The following CTCFL variants were observed in gnomAD, a reference collection of about 807,000 sequenced individuals.
CTCFL encodes CCCTC-binding factor like, also known as transcriptional repressor CTCFL.
A neutral mutation model predicts 67.4 loss-of-function variants in CTCFL; 36 were observed. The observed-to-expected ratio is 0.53, with a 90% CI of 0.41 to 0.71. CTCFL has a LOEUF of 0.71. Ranked by LOEUF, CTCFL falls within the 30% of genes least tolerant of loss-of-function variation. CTCFL has a pLI of 0.00. For synonymous variants in CTCFL, 324 were observed against 302.3 expected (o/e 1.07, Z -0.75); for missense variants, 786 against 835.2 (o/e 0.94, Z 0.73).
At chr20:57,524,876 C>A in intron 1 of CTCFL, 152 bp downstream of exon 1, 1 of 502,044 alleles carries the variant, frequency 2.0e-6, no homozygotes, top group Non-Finnish European at 2.6e-6. Context: ...CTGCCCCCCA[C>A]GCCCCGCCCC....
intron 8 of CTCFL, among the ~76,000 whole-genome samples, chr20:57,511,595 C>CT (rs1172402053): frequency 4.6e-5 from 7 of 150,684 alleles, no homozygotes; most frequent in Admixed American, 6.6e-5. Context: ...TAATCCCCCC[C>CT]CTTTTTTTTT....
chr20:57,515,858 C>G (rs181739781), intron 5 of CTCFL, 24 bp from the exon 6 acceptor site: 3 of 1,593,876 alleles, frequency 1.9e-6, no homozygotes, highest in Non-Finnish European at 2.6e-6. Context: ...AAATGATGTT[C>G]GTTGCAATAG....
At chr20:57,513,970 G>A in intron 7 of CTCFL, 1 of 1,100,000 alleles carries the variant, frequency 9.1e-7, no homozygotes, top group East Asian at 5.9e-5. Flanking sequence ...TCAAATCCCA[G>A]CTCCTAGGCC....
intron 3 of CTCFL, among the ~76,000 whole-genome samples, chr20:57,522,639 T>G (rs1302466921): frequency 3.9e-5 from 6 of 152,128 alleles, no homozygotes; most frequent in Non-Finnish European, 8.8e-5. Context: ...AGTGGCTTCT[T>G]TGTCCTGGAC....
At chr20:57,524,665 C>A (rs1465942886) in intron 1 of CTCFL, 3 of 1,004,554 alleles carry the variant, frequency 3.0e-6, no homozygotes, top group Non-Finnish European at 3.6e-6. Context: ...TCCAAGCAGG[C>A]CCCGGGCCAG....
intron 10 of CTCFL, among the ~76,000 whole-genome samples, chr20:57,502,564 G>A (rs187962765): frequency 5.3e-5 from 8 of 152,252 alleles, no homozygotes; most frequent in Non-Finnish European, 1.0e-4. Context: ...TGCTTGTGCC[G>A]TAAAAGTCTG....
intron 3 of CTCFL, 86 bp downstream of exon 3, chr20:57,522,982 T>G: frequency 9.2e-7 from 1 of 1,091,190 alleles, no homozygotes; most frequent in Non-Finnish European, 1.3e-6. Flanking sequence ...GTCAACCACT[T>G]AAAACTTCAA....
In CTCFL at chr20:57,497,679, A is replaced by T. The variant is rs999876701; in HGVS notation, c.*871T>A. 1.0e-6 allele frequency: 1 copy of T among 985,298 alleles called. No individual in the cohort carries two copies. The highest frequency in any genetic ancestry group is 1.7e-5 in the African/African-American group (1 of 57,254). The allele number at this position is 985,298 out of a possible 1,614,324, so 61.0% of individuals were successfully genotyped here. On this transcript the variant is annotated 3_prime_UTR_variant, in exon 11 of 11. Transcript: ENST00000243914. ...AAAAGTACAAATTCCTTACAGGTAC[A>T]CATTTGCCTTATCTGATTTTATGTT...
At chr20:57,499,156 C>T (rs905073456) in intron 10 of CTCFL, among the ~76,000 whole-genome samples, 4 of 148,746 alleles carry the variant, frequency 2.7e-5, no homozygotes, top group Non-Finnish European at 1.5e-5. Flanking sequence ...AGATTTATAT[C>T]GAGGCGGATC....
chr20:57,503,672 G>A (rs1391163288), intron 9 of CTCFL, 71 bp from the exon 10 acceptor site: 2 of 1,515,222 alleles, frequency 1.3e-6, no homozygotes, highest in African/African-American at 3.1e-5. Flanking sequence ...GGGGCCTGTG[G>A]GGACCCCACG....
At chr20:57,503,675 ACC>A in intron 9 of CTCFL, 74 bp from the exon 10 acceptor site, 1 of 1,510,560 alleles carries the variant, frequency 6.6e-7, no homozygotes. Context: ...GCCTGTGGGG[ACC>A]CCACGCATGG....
Position 57,523,169 on chromosome 20 carries a change from G to A in CTCFL, c.653C>T (p.Thr218Ile), listed in dbSNP as rs773775695. 2.5e-6 allele frequency: 4 copies of A among 1,613,998 alleles called. No individual in the cohort carries two copies. Among genetic ancestry groups the A allele is most frequent in the Middle Eastern group, 1.6e-4 (1 of 6,062 alleles). ...GDERSDEIVL[T>I]VSNSNVEEQE... ...TTCTTCCACATTTGAATTTGAAACT[G>A]TGAGAACAATTTCGTCACTTCTTTC... The change falls in exon 3 of 11, where the codon ACA becomes ATA. Residue 218 changes from threonine to isoleucine, a missense_variant. Transcript: ENST00000243914.
In CTCFL at chr20:57,523,994, G is replaced by A; in HGVS notation, c.212C>T (p.Pro71Leu). The stretch of plus-strand genomic sequence containing the variant: ...GATGTACTTCTCGCTCTCCTCCGAG[G>A]GGGCCAGCACCAGCTCCACTTCTTC... The part of the protein sequence containing the change: ...LEEEVELVLA[P>L]SEESEKYILT... The change falls in exon 2 of 11, where the codon CCC becomes CTC. Residue 71 changes from proline to leucine, a missense_variant. Pro to Leu is a moderately conservative substitution (Grantham distance 98, BLOSUM62 -3). Around this residue, in one of 3 missense-constraint regions of CTCFL, gnomAD observed 333 missense variants for 304.6 expected, o/e 1.09. Transcript: ENST00000243914. 6 of 1,613,262 alleles carry A rather than the reference G, an allele frequency of 3.7e-6. No individual in the cohort carries two copies. The highest frequency in any genetic ancestry group is 5.1e-6 in the Non-Finnish European group (6 of 1,179,986).
At chr20:57,496,029 C>A (rs1021537127), downstream of CTCFL, 1 of 389,932 alleles carries the variant, frequency 2.6e-6, no homozygotes, top group Non-Finnish European at 4.5e-6. Context: ...TAGTAAAATA[C>A]ATGATATAGT....
chr20:57,503,337 C>T, intron 10 of CTCFL, 99 bp downstream of exon 10: 1 of 1,395,946 alleles, frequency 7.2e-7, no homozygotes, highest in Non-Finnish European at 1.0e-6. Context: ...CAAATAGGGG[C>T]TCTGGACACA....
chr20:57,524,812 C>T, intron 1 of CTCFL: 1 of 953,794 alleles, frequency 1.0e-6, no homozygotes, highest in Non-Finnish European at 1.2e-6. Flanking sequence ...CCAAGCAGCC[C>T]TCGGCCAGAC....
At chr20:57,506,027 T>C (rs1402327585) in intron 9 of CTCFL, among the ~76,000 whole-genome samples, 1 of 152,244 alleles carries the variant, frequency 6.6e-6, no homozygotes, top group African/African-American at 2.4e-5. Flanking sequence ...ACAGGTTGTT[T>C]AAACTTCTTC....
At chr20:57,516,904 T>C (rs1181208740) in intron 5 of CTCFL, among the ~76,000 whole-genome samples, 3 of 152,238 alleles carry the variant, frequency 2.0e-5, no homozygotes, top group Non-Finnish European at 4.4e-5. Flanking sequence ...TATCTACTGC[T>C]AGCAGGAAAT....
chr20:57,512,747 G>A lies in CTCFL; in HGVS notation c.1336C>T (p.His446Tyr). ...CTGTAAGCATGCAAGTTGCGCATAT[G>A]CACACCTAAAATGGTCACAGAACAT... is the stretch of plus-strand genomic sequence containing the variant. ...IIARKSDLRV[H>Y]MRNLHAYSAA... The change falls in exon 8 of 11, where the codon CAT becomes TAT. Residue 446 changes from histidine to tyrosine, a missense_variant. His to Tyr is a moderately conservative substitution (Grantham distance 83). Transcript: ENST00000243914. 1 of 1,614,060 alleles carries A rather than the reference G, an allele frequency of 6.2e-7. No homozygotes were observed. Among genetic ancestry groups the A allele is most frequent in the Non-Finnish European group, 8.5e-7 (1 of 1,179,908 alleles).
Sources: allele counts gnomAD v4.1 joint callset (sites outside exome capture counted in the v4.1 genomes callset), GRCh38; gene constraint gnomAD v4.1.1; regional missense constraint gnomAD v4.1.1; transcripts MANE v1.5; gene names NCBI Gene and HGNC (gene_info 2026-07-23, HGNC 2026-07-21).